DDX46: variants seen among roughly 807,000 people sequenced by gnomAD.
DDX46 encodes the protein probable ATP-dependent RNA helicase DDX46.
Under a neutral mutation model 134.9 loss-of-function variants are expected in DDX46, and 30 were observed. The ratio of observed to expected loss-of-function variants is 0.22; its 90% CI spans 0.17 to 0.30. DDX46 has a LOEUF of 0.30. DDX46 is among the 10% of genes least tolerant of loss of function. DDX46 has a pLI of 1.00. For missense variants in DDX46, 622 were observed against 1,248.7 expected, an observed-to-expected ratio of 0.50 and a Z score of 7.56; for synonymous variants, 415 against 404.1, an observed-to-expected ratio of 1.03 and a Z score of -0.32.
At chr5:134,773,590 C>T in intron 4 of DDX46, 106 bp from the exon 5 acceptor site, 1 of 1,327,650 alleles carries the variant, frequency 7.5e-7, no homozygotes, top group Non-Finnish European at 1.0e-6. Context: ...TTTTCCCCTT[C>T]TTTATACTTT....
chr5:134,811,165 T>C, intron 16 of DDX46, 56 bp from the exon 17 acceptor site: 1 of 1,501,930 alleles, frequency 6.7e-7, no homozygotes, highest in Non-Finnish European at 9.1e-7. Flanking sequence ...TCTTATGATC[T>C]AAGTAGGATC....
intron 16 of DDX46, 82 bp from the exon 17 acceptor site, chr5:134,811,139 G>T: frequency 8.1e-7 from 1 of 1,238,060 alleles, no homozygotes; most frequent in Non-Finnish European, 1.1e-6. Flanking sequence ...GGATTTATTA[G>T]GTGGATCAGA....
intron 3 of DDX46, among the ~76,000 whole-genome samples, chr5:134,770,464 T>G (rs1753726907): frequency 6.6e-6 from 1 of 152,134 alleles, no homozygotes; most frequent in South Asian, 2.1e-4. Flanking sequence ...TCCTCCTGCC[T>G]TGGCTTCCCA....
chr5:134,817,032 T>G (rs946559225), intron 19 of DDX46: 4 of 176,748 alleles, frequency 2.3e-5, no homozygotes, highest in African/African-American at 9.6e-5. Flanking sequence ...TATCTTTTTC[T>G]TGGAAGCTTA....
intron 6 of DDX46, 36 bp from the exon 7 acceptor site, chr5:134,781,097 C>A (rs1754139849): frequency 6.8e-7 from 1 of 1,473,634 alleles, no homozygotes; most frequent in Non-Finnish European, 9.1e-7. Flanking sequence ...TGTGTTTCAG[C>A]TTTGCAAAAT....
At chr5:134,778,804 C>A (rs7716105) in intron 6 of DDX46, among the ~76,000 whole-genome samples, 4 of 152,070 alleles carry the variant, frequency 2.6e-5, no homozygotes, top group African/African-American at 9.7e-5. Flanking sequence ...GAACTCCCGA[C>A]CTCAGGTGAT....
Position 134,823,183 on chromosome 5 carries a change from A to G in DDX46, c.2978-3764A>G, listed in dbSNP as rs1431710659. 7.4e-5 allele frequency among the ~76,000 whole-genome samples: 9 copies of G among 122,238 alleles called. No individual in the cohort carries two copies. The East Asian group carries it at 1.9e-3, about 26-fold the overall frequency. The allele number at this position is 122,238 out of a possible 152,430, so 80.2% of individuals were successfully genotyped here. On this transcript the variant is annotated intron_variant, in intron 21 of 22. Coordinates refer to ENST00000452510, the MANE Select transcript of DDX46 (RefSeq NM_001300860.2). The stretch of plus-strand genomic sequence containing the variant: ...TTTTTTTTTTTTTTTTTTTTTTGAC[A>G]TGGAGTCTCGCTCTGTCGCCAGGCT...
At chr5:134,776,206 A>G (rs1485992880) in intron 5 of DDX46, among the ~76,000 whole-genome samples, 5 of 151,984 alleles carry the variant, frequency 3.3e-5, no homozygotes, top group East Asian at 3.9e-4. Flanking sequence ...CCTGGCCAAC[A>G]TGGTGAAACT....
intron 15 of DDX46, 61 bp downstream of exon 15, chr5:134,796,211 G>A: frequency 1.3e-6 from 2 of 1,557,788 alleles, no homozygotes; most frequent in Non-Finnish European, 1.7e-6. Flanking sequence ...GCATTGTGCT[G>A]TGTTCTCGAT....
chr5:134,779,605 C>G (rs920620546), intron 6 of DDX46, among the ~76,000 whole-genome samples: 1 of 152,106 alleles, frequency 6.6e-6, no homozygotes, highest in African/African-American at 2.4e-5. Context: ...CTGAAGCAAT[C>G]GTTCTGCTTC....
At chr5:134,811,540 G>T in intron 17 of DDX46, 156 bp from the exon 18 acceptor site, 1 of 1,139,318 alleles carries the variant, frequency 8.8e-7, no homozygotes, top group East Asian at 2.6e-5. Flanking sequence ...TTAGTATTTT[G>T]TGGTGTCTAT....
intron 16 of DDX46, among the ~76,000 whole-genome samples, chr5:134,810,040 A>G (rs1755097597): frequency 6.6e-6 from 1 of 152,012 alleles, no homozygotes. Flanking sequence ...AAAAATCGCA[A>G]CAGTTGACTG....
chr5:134,811,115 G>A, intron 16 of DDX46, 106 bp from the exon 17 acceptor site: 1 of 979,918 alleles, frequency 1.0e-6, no homozygotes, highest in Non-Finnish European at 1.5e-6. Flanking sequence ...TTTAGTTAAT[G>A]TTGTCAATCT....
At chr5:134,773,443 T>A (rs192201701) in intron 4 of DDX46, among the ~76,000 whole-genome samples, 65 of 152,328 alleles carry the variant, frequency 4.3e-4, no homozygotes, top group Non-Finnish European at 8.1e-4. Flanking sequence ...GATTGATTTA[T>A]AGTGTTTGAA....
rs763496501 is a variant in DDX46 at position 134,781,117 on chromosome 5, T to A, written c.766-16T>A. On this transcript the variant is annotated splice_polypyrimidine_tract_variant and intron_variant, in intron 6 of 22. Coordinates refer to ENST00000452510, the MANE Select transcript of DDX46 (RefSeq NM_001300860.2). ...TTCAGCTTTGCAAAATATTCTATAT[T>A]TGTTCTTTATTTTAGAAGTCTGGGC... 3 of 1,553,860 alleles carry A rather than the reference T, an allele frequency of 1.9e-6. No individual in the cohort carries two copies. The highest frequency in any genetic ancestry group is 8.6e-7 in the Non-Finnish European group (1 of 1,156,940).
intron 15 of DDX46, chr5:134,804,702 A>C: frequency 4.7e-6 from 1 of 211,052 alleles, no homozygotes; most frequent in Non-Finnish European, 9.8e-6. Context: ...TTTCACAAAA[A>C]TATGCTTTTT....
intron 5 of DDX46, among the ~76,000 whole-genome samples, chr5:134,774,613 T>TA (rs1289065993): frequency 6.6e-6 from 1 of 152,228 alleles, no homozygotes; most frequent in Non-Finnish European, 1.5e-5. Context: ...AGTAAATAGT[T>TA]CTTTAATATA....
chr5:134,790,589 A>G (rs1754470956), intron 13 of DDX46, 37 bp downstream of exon 13: 1 of 1,551,570 alleles, frequency 6.4e-7, no homozygotes, highest in Non-Finnish European at 8.8e-7. Context: ...TGAAATGTAA[A>G]TATAACTTTG....
chr5:134,763,961 C>T lies in DDX46; in HGVS notation c.75C>T (p.Arg25=). The change falls in exon 2 of 23, where the codon CGC becomes CGT. Residue 25 remains arginine, a synonymous_variant. Transcript: ENST00000452510. ...RGRSGSRSRS[R]SPSDKRSKRG... is the part of the protein sequence containing the mutation. ...GCTCTGGAAGTCGGTCTAGAAGTCGCTCACCCTCAGACAAAAGAAGTAAAC... is the reference window on the plus strand; with the variant it reads ...GCTCTGGAAGTCGGTCTAGAAGTCGTTCACCCTCAGACAAAAGAAGTAAAC... 1 of 1,614,174 alleles carries T rather than the reference C, an allele frequency of 6.2e-7. No individual in the cohort carries two copies. The highest frequency in any genetic ancestry group is 8.5e-7 in the Non-Finnish European group (1 of 1,180,028).
Sources: gnomAD v4.1 joint callset for allele counts (sites outside exome capture counted in the v4.1 genomes callset) on GRCh38, gnomAD v4.1.1 for gene constraint, MANE v1.5 for transcripts, NCBI Gene and HGNC (gene_info 2026-07-23, HGNC 2026-07-21) for gene names.